DLGAP2: variants seen among roughly 807,000 people sequenced by gnomAD.
DLGAP2 encodes the protein disks large-associated protein 2.
DLGAP2 carries 26 observed loss-of-function variants against 100.3 expected under a neutral mutation model. The ratio of observed to expected loss-of-function variants is 0.26; its 90% CI spans 0.19 to 0.36. The LOEUF (loss-of-function observed/expected upper bound fraction) is 0.36, where lower values mean the gene tolerates loss of function less well. Among genes scored for constraint, DLGAP2 ranks in the 10% least tolerant of loss-of-function variants. The probability of loss-of-function intolerance (pLI) is 1.00; values close to 1 mark genes in which losing one functional copy is unlikely to be tolerated. For missense variants in DLGAP2, 1,858 were observed against 1,453.2 expected, an observed-to-expected ratio of 1.28 and a Z score of -4.53; for synonymous variants, 886 against 630.1, an observed-to-expected ratio of 1.41 and a Z score of -6.08.
In DLGAP2 at chr8:761,327, G is replaced by A. The variant is rs1360384639; in HGVS notation, c.18+23502G>A. Among the ~76,000 whole-genome samples, 3 of 152,202 alleles carry A rather than the reference G, an allele frequency of 2.0e-5. No individual in the cohort carries two copies. In the East Asian group the frequency reaches 5.8e-4, roughly 29 times the overall value. On this transcript the variant is annotated intron_variant, in intron 1 of 14. Transcript: ENST00000637795. ...CTTTACTGTCACTCACTGGGGGTTT[G>A]AAGGAAGAGGAGGCACATCCATACA...
At chr8:1,316,664 A>C (rs1382568400) in intron 3 of DLGAP2, among the ~76,000 whole-genome samples, 1 of 143,520 alleles carries the variant, frequency 7.0e-6, no homozygotes, top group African/African-American at 2.7e-5. Flanking sequence ...CACTCGAGAC[A>C]CTTGGCAGCT....
intron 2 of DLGAP2, among the ~76,000 whole-genome samples, chr8:1,186,426 C>T (rs1023783796): frequency 5.9e-5 from 9 of 152,224 alleles, no homozygotes; most frequent in Admixed American, 3.9e-4. Flanking sequence ...CAGGCCTCCT[C>T]TCCAGCCCGC....
intron 4 of DLGAP2, among the ~76,000 whole-genome samples, chr8:1,502,384 G>T (rs1043470217): frequency 1.3e-5 from 2 of 152,176 alleles, no homozygotes; most frequent in African/African-American, 4.8e-5. Flanking sequence ...GAAAATTGAA[G>T]GAGTCCACTT....
chr8:1,222,608 T>C (rs1223938066), intron 2 of DLGAP2, among the ~76,000 whole-genome samples: 1 of 138,886 alleles, frequency 7.2e-6, no homozygotes, highest in Non-Finnish European at 1.6e-5. Context: ...AGGTGCATGC[T>C]GGCGGGGGAA....
chr8:1,237,137 G>GTCTAGTTCTCTCT (rs1346563859), intron 2 of DLGAP2, among the ~76,000 whole-genome samples: 9 of 11,296 alleles, frequency 8.0e-4, no homozygotes, highest in African/African-American at 1.7e-3. Flanking sequence ...ATGGGGCCGT[G>GTCTAGTTCTCTCT]TCTAGTTCTC....
chr8:1,367,397 C>G (rs1449243680), intron 3 of DLGAP2, among the ~76,000 whole-genome samples: 2 of 152,228 alleles, frequency 1.3e-5, no homozygotes, highest in Non-Finnish European at 2.9e-5. Flanking sequence ...GGAAAATCCA[C>G]AGACCAACTA....
At chr8:1,000,738 A>C (rs1800931140) in intron 2 of DLGAP2, among the ~76,000 whole-genome samples, 1 of 152,104 alleles carries the variant, frequency 6.6e-6, no homozygotes, top group Non-Finnish European at 1.5e-5. Context: ...TCTTTACTCA[A>C]CGTCGACTGC....
chr8:1,030,552 A>G (rs35160647), intron 2 of DLGAP2, among the ~76,000 whole-genome samples: 23,505 of 152,192 alleles, frequency 0.15, 2,408 homozygotes, highest in Non-Finnish European at 0.23. Context: ...GTTTAAAAAC[A>G]TTTAACATAA....
intron 4 of DLGAP2, among the ~76,000 whole-genome samples, chr8:1,504,591 G>T (rs891698629): frequency 6.6e-6 from 1 of 152,160 alleles, no homozygotes; most frequent in Admixed American, 6.5e-5. Flanking sequence ...TCTACCCTCT[G>T]CTTCTGAGTT....
chr8:921,144 C>G (rs1187945157), intron 2 of DLGAP2, among the ~76,000 whole-genome samples: 1 of 152,174 alleles, frequency 6.6e-6, no homozygotes, highest in African/African-American at 2.4e-5. Context: ...GAGATTTCAT[C>G]TCAGGCCCTT....
At chr8:825,461 C>G (rs187241533) in intron 1 of DLGAP2, among the ~76,000 whole-genome samples, 84 of 152,310 alleles carry the variant, frequency 5.5e-4, no homozygotes, top group African/African-American at 2.0e-3. Flanking sequence ...CGGTGAGTGC[C>G]AGGCAGTCTT....
intron 2 of DLGAP2, among the ~76,000 whole-genome samples, chr8:1,089,909 T>C (rs1804115207): frequency 6.6e-6 from 1 of 152,194 alleles, no homozygotes; most frequent in African/African-American, 2.4e-5. Flanking sequence ...CTCTGAGCTG[T>C]GCAAATCCAC....
chr8:1,662,647 A>T (rs1384656109), intron 8 of DLGAP2, among the ~76,000 whole-genome samples: 1 of 152,270 alleles, frequency 6.6e-6, no homozygotes, highest in East Asian at 1.9e-4. Flanking sequence ...AAGCCCATTC[A>T]GACTTCCACC....
intron 1 of DLGAP2, among the ~76,000 whole-genome samples, chr8:797,043 A>C (rs991142198): frequency 6.6e-6 from 1 of 152,224 alleles, no homozygotes. Flanking sequence ...GGCAGAGTCA[A>C]TATTACTTTC....
intron 12 of DLGAP2, among the ~76,000 whole-genome samples, chr8:1,681,929 C>T (rs192367590): frequency 1.9e-4 from 28 of 147,928 alleles, no homozygotes; most frequent in East Asian, 7.8e-4. Flanking sequence ...GGCCCTCTGA[C>T]GTTGAACGCT....
chr8:1,290,878 A>C (rs528911844), intron 3 of DLGAP2, among the ~76,000 whole-genome samples: 1 of 152,316 alleles, frequency 6.6e-6, no homozygotes, highest in Non-Finnish European at 1.5e-5. Flanking sequence ...AATAGACATA[A>C]CATGAAATTT....
chr8:769,404 C>A (rs1404695456), intron 1 of DLGAP2, among the ~76,000 whole-genome samples: 2 of 151,748 alleles, frequency 1.3e-5, no homozygotes, highest in African/African-American at 4.8e-5. Flanking sequence ...AGCAAAACGG[C>A]GGCAGACAGG....
intron 6 of DLGAP2, among the ~76,000 whole-genome samples, chr8:1,597,321 G>T (rs537559057): frequency 6.6e-6 from 1 of 151,510 alleles, no homozygotes; most frequent in African/African-American, 2.4e-5. Context: ...TGTTCTTTTT[G>T]CTTAGGATTG....
chr8:1,445,020 T>A (rs796824137), intron 3 of DLGAP2, among the ~76,000 whole-genome samples: 15 of 151,370 alleles, frequency 9.9e-5, no homozygotes, highest in African/African-American at 3.6e-4. Flanking sequence ...TCCACCCACC[T>A]CGGCCTCCCA....
Sources: allele counts gnomAD v4.1 joint callset (sites outside exome capture counted in the v4.1 genomes callset), GRCh38; gene constraint gnomAD v4.1.1; transcripts MANE v1.5; gene names NCBI Gene and HGNC (gene_info 2026-07-23, HGNC 2026-07-21).